CLUL1: variants seen among roughly 807,000 people sequenced by gnomAD.
CLUL1 encodes the protein clusterin like 1.
In CLUL1, 43 loss-of-function variants were observed where a neutral mutation model predicts 49.4. The ratio of observed to expected loss-of-function variants is 0.87; its 90% confidence interval spans 0.68 to 1.12. The LOEUF (loss-of-function observed/expected upper bound fraction) is 1.12, where lower values mean the gene tolerates loss of function less well. CLUL1 is among the 50% of genes most tolerant of loss of function. The pLI is 0.00. For missense variants in CLUL1, 486 were observed against 544.4 expected, an observed-to-expected ratio of 0.89 and a Z score of 1.07; for synonymous variants, 192 against 184.9, an observed-to-expected ratio of 1.04 and a Z score of -0.31.
In CLUL1 at chr18:627,228, C is replaced by T; in HGVS notation, c.555C>T (p.Ser185=). 1 of 1,613,890 alleles carries T rather than the reference C, an allele frequency of 6.2e-7. No individual in the cohort carries two copies. The highest frequency in any genetic ancestry group is 8.5e-7 in the Non-Finnish European group (1 of 1,179,980). Residue 185 remains serine, a synonymous_variant, in exon 6 of 10, where the codon AGC becomes AGT. Coordinates refer to ENST00000692774, the MANE Select transcript of CLUL1 (RefSeq NM_001393344.1). ...TGACCCAAATGGAGGATGTGTTCAG[C>T]CAGTTGACTGTGGATGTGAATTCTC... The part of the protein sequence containing the change: ...AQLTQMEDVF[S]QLTVDVNSLF...
In CLUL1 at chr18:633,436, G is replaced by T; in HGVS notation, c.994+1G>T. 1 of 1,611,174 alleles carries T rather than the reference G, an allele frequency of 6.2e-7. No individual in the cohort carries two copies. Among genetic ancestry groups the T allele is most frequent in the Non-Finnish European group, 8.5e-7 (1 of 1,178,298 alleles). ...AAATGTCAGGCTCACCTATCTGAAG[G>T]TAAATAATTGCTATTTTGTTTTTTA... On this transcript the variant is annotated splice_donor_variant, in intron 7 of 9. Coordinates refer to ENST00000692774, the MANE Select transcript of CLUL1 (RefSeq NM_001393344.1). LOFTEE classifies it high-confidence loss of function.
At chr18:623,381 A>G (rs2073565548) in intron 4 of CLUL1, among the ~76,000 whole-genome samples, 1 of 152,140 alleles carries the variant, frequency 6.6e-6, no homozygotes, top group South Asian at 2.1e-4. Flanking sequence ...GAGGTGGCTC[A>G]TGCCTGCAAT....
chr18:621,999 CTT>C (rs991040589), intron 4 of CLUL1, among the ~76,000 whole-genome samples: 1 of 152,090 alleles, frequency 6.6e-6, no homozygotes, highest in Non-Finnish European at 1.5e-5. Flanking sequence ...GAATTATACT[CTT>C]AAGTTTGAGG....
In CLUL1 at chr18:649,973, A is replaced by T; in HGVS notation, c.*72A>T. 9.6e-7 allele frequency: 1 copy of T among 1,045,366 alleles called. No homozygotes were observed. Among genetic ancestry groups the T allele is most frequent in the Non-Finnish European group, 1.4e-6 (1 of 692,136 alleles). The allele number at this position is 1,045,366 out of a possible 1,614,324, so 64.8% of individuals were successfully genotyped here. A position where few individuals can be genotyped will look rare whatever the true frequency, so the allele number is the denominator to read the frequency against. On this transcript the variant is annotated 3_prime_UTR_variant, in exon 10 of 10. Transcript: ENST00000692774. Reference sequence around the variant, plus strand: ...TCTGGGACCTGGAAATCCTGAAATAAAAAAGGATAATGCAATAAACACAGT... The same window carrying T: ...TCTGGGACCTGGAAATCCTGAAATATAAAAGGATAATGCAATAAACACAGT...
chr18:627,617 A>G lies in CLUL1; in HGVS notation c.856+88A>G, dbSNP rs888272828. On this transcript the variant is annotated intron_variant, in intron 6 of 9. Transcript: ENST00000692774. The stretch of plus-strand genomic sequence containing the variant: ...CAGAAATGGTAGACATTTCTGAGTC[A>G]CATTGTATAGCATTTCTTGAAGAGA... The G allele has an allele frequency of 5.8e-5, 53 of 918,184 alleles. No individual in the cohort carries two copies. The African/African-American group carries it at 8.0e-4, about 14-fold the overall frequency. The allele number at this position is 918,184 out of a possible 1,614,324, so 56.9% of individuals were successfully genotyped here.
chr18:598,916 T>C (rs1598405167), intron 1 of CLUL1, among the ~76,000 whole-genome samples: 1 of 152,250 alleles, frequency 6.6e-6, no homozygotes, highest in South Asian at 2.1e-4. Flanking sequence ...TACTAAACTT[T>C]AAAAATATGT....
intron 1 of CLUL1, among the ~76,000 whole-genome samples, chr18:605,890 C>T (rs2072959284): frequency 6.6e-6 from 1 of 152,040 alleles, no homozygotes; most frequent in African/African-American, 2.4e-5. Context: ...TGCCTGAATG[C>T]CTGGCCTCAA....
chr18:646,497 GACACACACACACACACACAC>G (rs56076402), intron 9 of CLUL1, among the ~76,000 whole-genome samples: 9 of 141,272 alleles, frequency 6.4e-5, no homozygotes, highest in Non-Finnish European at 1.4e-4. Context: ...CAGATAGATA[GACACACACACACACACACAC>G]ACACACACAC....
At chr18:602,221 G>A (rs374937559) in intron 1 of CLUL1, among the ~76,000 whole-genome samples, 3 of 152,298 alleles carry the variant, frequency 2.0e-5, no homozygotes, top group African/African-American at 4.8e-5. Context: ...GCTACATGTG[G>A]GGCTACAGGG....
Position 597,009 on chromosome 18 carries a change from C to A in CLUL1, c.-256C>A, listed in dbSNP as rs967788210. Reference sequence around the variant, plus strand: ...GCCCACCCTGCGTCACCTGCAGGCCCGGGCCGCGGGGTTGGTTTCCACCCT... The same window carrying A: ...GCCCACCCTGCGTCACCTGCAGGCCAGGGCCGCGGGGTTGGTTTCCACCCT... On this transcript the variant is annotated 5_prime_UTR_variant, in exon 1 of 10. Coordinates refer to ENST00000692774, the MANE Select transcript of CLUL1 (RefSeq NM_001393344.1). 6.6e-6 allele frequency: 1 copy of A among 151,046 alleles called. No homozygotes were observed. The highest frequency in any genetic ancestry group is 1.5e-5 in the Non-Finnish European group (1 of 67,840). 9.4% of individuals were successfully genotyped at this position (151,046 alleles called of 1,614,324 possible).
chr18:626,505 G>C (rs1159861419), intron 5 of CLUL1, among the ~76,000 whole-genome samples: 1 of 151,992 alleles, frequency 6.6e-6, no homozygotes, highest in Non-Finnish European at 1.5e-5. Flanking sequence ...ATACTAGCTT[G>C]CCCAGAATTA....
chr18:641,127 T>A (rs1337865085), intron 7 of CLUL1, among the ~76,000 whole-genome samples, 200 bp from the exon 8 acceptor site: 1 of 152,202 alleles, frequency 6.6e-6, no homozygotes, highest in Non-Finnish European at 1.5e-5. Context: ...TAAAACCATA[T>A]AATTAACAGT....
rs2073235209 is a variant in CLUL1, at chr18:614,460, T to C, written c.-13-3528T>C. 4 of 152,334 alleles carry C rather than the reference T, an allele frequency of 2.6e-5. No individual in the cohort carries two copies. In the South Asian group the frequency reaches 8.3e-4, roughly 32 times the overall value. 9.4% of individuals were successfully genotyped at this position (152,334 alleles called of 1,614,324 possible). A position where few individuals can be genotyped will look rare whatever the true frequency, so the allele number is the denominator to read the frequency against. On this transcript the variant is annotated intron_variant, in intron 2 of 9. Transcript: ENST00000692774. Reference sequence around the variant, plus strand: ...AATTTATTTAGATCCTTATACTTTATCTTTTGTTTTACTTCTCTTATGCAT... The same window carrying C: ...AATTTATTTAGATCCTTATACTTTACCTTTTGTTTTACTTCTCTTATGCAT...
At chr18:619,169 A>AG (rs2073403080) in intron 3 of CLUL1, 44 bp from the exon 4 acceptor site, 1 of 1,586,220 alleles carries the variant, frequency 6.3e-7, no homozygotes, top group Non-Finnish European at 8.6e-7. Context: ...GGTGTTTTGT[A>AG]ATCTGATCAG....
At chr18:605,408 G>T (rs933394464) in intron 1 of CLUL1, among the ~76,000 whole-genome samples, 1 of 152,158 alleles carries the variant, frequency 6.6e-6, no homozygotes, top group East Asian at 1.9e-4. Flanking sequence ...TGGGTGGATT[G>T]CTTGAGCCTA....
intron 8 of CLUL1, among the ~76,000 whole-genome samples, chr18:642,800 C>T (rs7237365): frequency 0.26 from 39,813 of 152,092 alleles, 5,312 homozygotes; most frequent in East Asian, 0.42. Flanking sequence ...AAACTTTCTC[C>T]CAAAGATTGC....
At chr18:626,919 GAAAGAAAGAAGGAAAGAAGGAAAGAA>G (rs2073768680) in intron 5 of CLUL1, among the ~76,000 whole-genome samples, 152 bp from the exon 6 acceptor site, 1 of 24,124 alleles carries the variant, frequency 4.1e-5, no homozygotes, top group African/African-American at 1.9e-4. Context: ...AAGAAAGAAA[GAAAGAAAGAAGGAAAGAAGGAAAGAA>G]GGAAGGAAGG....
Position 607,166 on chromosome 18 carries a change from C to T in CLUL1, c.-14+67C>T. On this transcript the variant is annotated intron_variant, in intron 2 of 9. Coordinates refer to ENST00000692774, the MANE Select transcript of CLUL1 (RefSeq NM_001393344.1). ...ATTTAGAGACAGAGTCTAGCTCTGT[C>T]ACCCAGGCCAGAATGCAGTGACACG... 6 of 695,298 alleles carry T rather than the reference C, an allele frequency of 8.6e-6. No individual in the cohort carries two copies. In the Middle Eastern group the frequency reaches 9.4e-4, roughly 109 times the overall value. 43.1% of individuals were successfully genotyped at this position (695,298 alleles called of 1,614,324 possible). A position where few individuals can be genotyped will look rare whatever the true frequency, so the allele number is the denominator to read the frequency against.
Position 627,288 on chromosome 18 carries a change from G to A in CLUL1, c.615G>A (p.Met205Ile), listed in dbSNP as rs2073838056. 1 of 1,614,050 alleles carries A rather than the reference G, an allele frequency of 6.2e-7. No individual in the cohort carries two copies. The highest frequency in any genetic ancestry group is 1.7e-5 in the Admixed American group (1 of 60,014). ...GGAGTTTTAACGTCTTCAGACAGAT[G>A]CAGCAAGAGTTTGACCAGACTTTTC... ...FNRSFNVFRQ[M>I]QQEFDQTFQS... is the part of the protein sequence containing the mutation. The change falls in exon 6 of 10, where the codon ATG (methionine) becomes ATA (isoleucine). Residue 205 changes from methionine to isoleucine, a missense_variant. Met to Ile is a conservative substitution (Grantham distance 10, BLOSUM62 1). Coordinates refer to ENST00000692774, the MANE Select transcript of CLUL1 (RefSeq NM_001393344.1).
Sources: gnomAD v4.1 joint callset for allele counts (sites outside exome capture counted in the v4.1 genomes callset) on GRCh38, gnomAD v4.1.1 for gene constraint, MANE v1.5 for transcripts, NCBI Gene and HGNC (gene_info 2026-07-23, HGNC 2026-07-21) for gene names.